The following FHIT variants were observed in gnomAD, a reference collection of about 807,000 sequenced individuals.
FHIT encodes the protein fragile histidine triad diadenosine triphosphatase, also known as bis(5'-adenosyl)-triphosphatase.
In FHIT, 19 loss-of-function variants were observed where a neutral mutation model predicts 17.9. The ratio of observed to expected loss-of-function variants is 1.06; its 90% confidence interval spans 0.74 to 1.56. The LOEUF (loss-of-function observed/expected upper bound fraction) is 1.56, where lower values mean the gene tolerates loss of function less well. Among genes scored for constraint, FHIT ranks in the 40% most tolerant of loss-of-function variants. The pLI is 0.00. For missense variants in FHIT, 248 were observed against 189.2 expected, an observed-to-expected ratio of 1.31 and a Z score of -1.82; for synonymous variants, 81 against 69.7, an observed-to-expected ratio of 1.16 and a Z score of -0.81.
intron 4 of FHIT, among the ~76,000 whole-genome samples, chr3:60,671,839 A>G (rs2040513386): frequency 6.6e-6 from 1 of 151,822 alleles, no homozygotes; most frequent in Non-Finnish European, 1.5e-5. Flanking sequence ...AATCCCAGCT[A>G]CTTGGCAGGC....
intron 5 of FHIT, among the ~76,000 whole-genome samples, chr3:60,517,751 G>A (rs2035215188): frequency 6.6e-6 from 1 of 152,102 alleles, no homozygotes; most frequent in African/African-American, 2.4e-5. Context: ...CCCAAGATCT[G>A]TCTTTTCAAT....
intron 4 of FHIT, among the ~76,000 whole-genome samples, chr3:60,551,910 T>C (rs1019489996): frequency 7.2e-5 from 11 of 151,974 alleles, no homozygotes; most frequent in Admixed American, 5.9e-4. Flanking sequence ...GTGTGCAAAA[T>C]TGTACAATTA....
In FHIT at chr3:60,044,458, G is replaced by C. The variant is rs71313739; in HGVS notation, c.104-30306C>G. Reference sequence around the variant, plus strand: ...CAGGGTAAGCCTTCCTCACAATGTTGCAAAGCAAATCGTGTCCCTCATTCC... The same window carrying C: ...CAGGGTAAGCCTTCCTCACAATGTTCCAAAGCAAATCGTGTCCCTCATTCC... On this transcript the variant is annotated intron_variant, in intron 5 of 9. Coordinates refer to ENST00000492590, the MANE Select transcript of FHIT (RefSeq NM_002012.4). Among the ~76,000 whole-genome samples the C allele has an allele frequency of 3.4e-3, 517 of 152,244 alleles. 4 individuals are homozygous for C. Among genetic ancestry groups the C allele is most frequent in the Non-Finnish European group, 3.3e-3 (222 of 68,028 alleles).
At chr3:60,684,521 T>C (rs1048948510) in intron 4 of FHIT, among the ~76,000 whole-genome samples, 1 of 152,130 alleles carries the variant, frequency 6.6e-6, no homozygotes, top group Admixed American at 6.6e-5. Flanking sequence ...TCACATTGTG[T>C]GACCTGTCGT....
chr3:60,127,732 C>G (rs1309689292), intron 5 of FHIT, among the ~76,000 whole-genome samples: 1 of 152,118 alleles, frequency 6.6e-6, no homozygotes, highest in Non-Finnish European at 1.5e-5. Context: ...TCCTGAGTAG[C>G]TAGCACTATT....
intron 5 of FHIT, among the ~76,000 whole-genome samples, chr3:60,132,312 G>A (rs912448901): frequency 1.3e-5 from 2 of 152,214 alleles, no homozygotes; most frequent in Non-Finnish European, 2.9e-5. Context: ...CTTGCTGATA[G>A]ATACATCCCA....
intron 7 of FHIT, among the ~76,000 whole-genome samples, chr3:59,930,735 G>A (rs1475687984): frequency 1.3e-5 from 2 of 152,180 alleles, no homozygotes; most frequent in Non-Finnish European, 2.9e-5. Flanking sequence ...ACGTTGGGGG[G>A]TGGTAAGAGT....
At chr3:61,174,041 C>G (rs2038086993) in intron 2 of FHIT, among the ~76,000 whole-genome samples, 1 of 152,194 alleles carries the variant, frequency 6.6e-6, no homozygotes. Context: ...CCCCATGATA[C>G]TCATATTAAG....
intron 5 of FHIT, among the ~76,000 whole-genome samples, chr3:60,437,162 A>G (rs2030344881): frequency 6.6e-6 from 1 of 152,150 alleles, no homozygotes; most frequent in Non-Finnish European, 1.5e-5. Flanking sequence ...CGTATGCCTT[A>G]AAAACCCATC....
At position 60,219,856 on chromosome 3, in the gene FHIT, G is replaced by A. The variant is rs569336019; in HGVS notation, c.104-205704C>T. Among the ~76,000 whole-genome samples, 35 of 152,210 alleles carry A rather than the reference G, an allele frequency of 2.3e-4. 2 individuals carry two copies. The highest frequency in any genetic ancestry group is 4.6e-4 in the Admixed American group (7 of 15,282). On this transcript the variant is annotated intron_variant, in intron 5 of 9. Coordinates refer to ENST00000492590, the MANE Select transcript of FHIT (RefSeq NM_002012.4). ...AATTGTGTAGGCTTTATCCTAAAGA[G>A]GATAAAAATTGCATAAGATTCAGAC...
chr3:60,623,137 T>C (rs1429091120), intron 4 of FHIT, among the ~76,000 whole-genome samples: 1 of 152,218 alleles, frequency 6.6e-6, no homozygotes, highest in Non-Finnish European at 1.5e-5. Context: ...AGTAGATACG[T>C]AACAAGTAAT....
At chr3:61,102,942 C>T (rs2035878800) in intron 2 of FHIT, among the ~76,000 whole-genome samples, 3 of 152,222 alleles carry the variant, frequency 2.0e-5, no homozygotes, top group South Asian at 2.1e-4. Context: ...ATTCTCCTCT[C>T]TTTTCTTCTT....
At chr3:60,690,706 G>C (rs1049389854) in intron 4 of FHIT, 78 of 450,042 alleles carry the variant, frequency 1.7e-4, no homozygotes, top group Middle Eastern at 3.6e-4. Flanking sequence ...GAAGAAAACA[G>C]TGGGGTTGAC....
chr3:60,085,629 A>C lies in FHIT; in HGVS notation c.104-71477T>G, dbSNP rs533184972. Reference sequence around the variant, plus strand: ...TTGTTGTCATTTCAGAACCTCATATACAGTATTCTTTAATAGCCAGAAACA... The same window carrying C: ...TTGTTGTCATTTCAGAACCTCATATCCAGTATTCTTTAATAGCCAGAAACA... On this transcript the variant is annotated intron_variant, in intron 5 of 9. Coordinates refer to ENST00000492590, the MANE Select transcript of FHIT (RefSeq NM_002012.4). 3.9e-5 allele frequency among the ~76,000 whole-genome samples: 6 copies of C among 152,292 alleles called. No individual in the cohort carries two copies. In the South Asian group the frequency reaches 1.2e-3, roughly 32 times the overall value.
intron 4 of FHIT, among the ~76,000 whole-genome samples, chr3:60,666,172 C>A (rs982967753): frequency 6.6e-6 from 1 of 152,276 alleles, no homozygotes; most frequent in African/African-American, 2.4e-5. Flanking sequence ...TATGTACCCA[C>A]AAATGTCTTT....
chr3:59,836,257 T>G (rs1190841040), intron 8 of FHIT, among the ~76,000 whole-genome samples: 1 of 152,178 alleles, frequency 6.6e-6, no homozygotes, highest in Non-Finnish European at 1.5e-5. Context: ...TGAGCTCCTT[T>G]GCACGATTCC....
chr3:60,870,665 A>G (rs1249945525), intron 3 of FHIT, among the ~76,000 whole-genome samples: 3 of 152,120 alleles, frequency 2.0e-5, no homozygotes, highest in Admixed American at 6.6e-5. Flanking sequence ...TAAACACACA[A>G]CTATCTGATG....
chr3:60,940,114 C>T (rs1708345612), intron 3 of FHIT, among the ~76,000 whole-genome samples: 1 of 152,058 alleles, frequency 6.6e-6, no homozygotes, highest in Non-Finnish European at 1.5e-5. Flanking sequence ...CTTAAAGAGC[C>T]ATTTAAAAGA....
At chr3:60,273,016 C>G (rs548025984) in intron 5 of FHIT, among the ~76,000 whole-genome samples, 2 of 152,190 alleles carry the variant, frequency 1.3e-5, no homozygotes, top group South Asian at 4.1e-4. Flanking sequence ...GTTTCTCTAA[C>G]AAGGTAAACA....
Sources: allele counts gnomAD v4.1 joint callset (sites outside exome capture counted in the v4.1 genomes callset), GRCh38; gene constraint gnomAD v4.1.1; transcripts MANE v1.5; gene names NCBI Gene and HGNC (gene_info 2026-07-23, HGNC 2026-07-21).